Variants in PRSS12 observed in about 807,000 individuals in gnomAD.
The protein encoded by PRSS12 is serine protease 12, also known as neurotrypsin.
A neutral mutation model predicts 104.4 loss-of-function variants in PRSS12; 85 were observed. That is an observed-to-expected ratio of 0.81 (90% CI 0.68 to 0.98). The LOEUF (loss-of-function observed/expected upper bound fraction) is 0.98. PRSS12 is among the 50% of genes least tolerant of loss of function. The pLI is 0.00. For missense variants in PRSS12, 1,141 were observed against 1,139.2 expected (o/e 1.00, Z -0.02); for synonymous variants, 454 against 425.2 (o/e 1.07, Z -0.83).
At chr4:118,293,220 C>T (rs914193398) in intron 11 of PRSS12, among the ~76,000 whole-genome samples, 3 of 151,482 alleles carry the variant, frequency 2.0e-5, no homozygotes, top group Non-Finnish European at 2.9e-5. Context: ...AAAAATGCTG[C>T]GAAAACTATC....
At chr4:118,309,018 TAA>T (rs1743634720) in intron 7 of PRSS12, among the ~76,000 whole-genome samples, 1 of 151,706 alleles carries the variant, frequency 6.6e-6, no homozygotes, top group Admixed American at 6.6e-5. Context: ...TAGAACGATA[TAA>T]ATAGACACAA....
At chr4:118,339,704 C>G (rs1224450700) in intron 1 of PRSS12, among the ~76,000 whole-genome samples, 1 of 152,142 alleles carries the variant, frequency 6.6e-6, no homozygotes, top group East Asian at 1.9e-4. Context: ...AAGAGGAAGT[C>G]CTGCCTAGCT....
At position 118,352,959 on chromosome 4, in the gene PRSS12, C is replaced by G; in HGVS notation, c.-239G>C. On this transcript the variant is annotated 5_prime_UTR_variant, in exon 1 of 13. Coordinates refer to ENST00000296498, the MANE Select transcript of PRSS12 (RefSeq NM_003619.4). Reference sequence around the variant, plus strand: ...GGGGAAATCTGGAGCTCAGCCGAGCCCCGGCCGGCGGAGAGGACCGGAAAA... The same window carrying G: ...GGGGAAATCTGGAGCTCAGCCGAGCGCCGGCCGGCGGAGAGGACCGGAAAA... The G allele has an allele frequency of 9.0e-7, 1 of 1,108,460 alleles. No homozygotes were observed. The highest frequency in any genetic ancestry group is 1.9e-5 in the South Asian group (1 of 52,914). 68.7% of individuals were successfully genotyped at this position (1,108,460 alleles called of 1,614,324 possible). A position where few individuals can be genotyped will look rare whatever the true frequency, so the allele number is the denominator to read the frequency against.
intron 2 of PRSS12, among the ~76,000 whole-genome samples, chr4:118,337,900 TAAAGAC>T (rs977601073): frequency 1.2e-4 from 18 of 152,170 alleles, no homozygotes; most frequent in African/African-American, 3.9e-4. Context: ...TGTATTTTGT[TAAAGAC>T]AAAGACCAAA....
chr4:118,348,398 C>A (rs951556272), intron 1 of PRSS12, among the ~76,000 whole-genome samples: 1 of 152,182 alleles, frequency 6.6e-6, no homozygotes, highest in Non-Finnish European at 1.5e-5. Context: ...TCATCACCTA[C>A]CACTATACAT....
intron 11 of PRSS12, among the ~76,000 whole-genome samples, chr4:118,283,493 G>A (rs1161629941): frequency 1.3e-5 from 2 of 152,168 alleles, no homozygotes; most frequent in Non-Finnish European, 2.9e-5. Context: ...CTCTGTGAGG[G>A]CAGAAACTAA....
intron 1 of PRSS12, among the ~76,000 whole-genome samples, chr4:118,346,610 C>T (rs1268871649): frequency 6.6e-6 from 1 of 152,046 alleles, no homozygotes; most frequent in African/African-American, 2.4e-5. Flanking sequence ...GTTATCTTAT[C>T]ACAGGGGGCC....
chr4:118,298,541 C>A lies in PRSS12; in HGVS notation c.1837+192G>T, dbSNP rs576433095. On this transcript the variant is annotated intron_variant, in intron 9 of 12. Coordinates refer to ENST00000296498, the MANE Select transcript of PRSS12 (RefSeq NM_003619.4). Reference sequence around the variant, plus strand: ...AGGCCCCGTAAATTCATTCCTACCCCTGAACCTTGTTCTGCCTGTCAGCCC... The same window carrying A: ...AGGCCCCGTAAATTCATTCCTACCCATGAACCTTGTTCTGCCTGTCAGCCC... Among the ~76,000 whole-genome samples the A allele has an allele frequency of 3.9e-5, 6 of 152,318 alleles. No homozygotes were observed. In the South Asian group the frequency reaches 1.2e-3, roughly 32 times the overall value.
At chr4:118,342,681 C>G (rs1460710119) in intron 1 of PRSS12, among the ~76,000 whole-genome samples, 1 of 152,106 alleles carries the variant, frequency 6.6e-6, no homozygotes, top group African/African-American at 2.4e-5. Context: ...CCCCAGAGTT[C>G]CTGAAATGAA....
At chr4:118,344,111 T>C (rs1724289548) in intron 1 of PRSS12, among the ~76,000 whole-genome samples, 1 of 152,134 alleles carries the variant, frequency 6.6e-6, no homozygotes, top group African/African-American at 2.4e-5. Flanking sequence ...AAAAGTACAC[T>C]TAAAGCTGTG....
chr4:118,282,105 C>T lies in PRSS12; in HGVS notation c.2459G>A (p.Ser820Asn). 6.2e-7 allele frequency: 1 copy of T among 1,614,212 alleles called. No homozygotes were observed. The highest frequency in any genetic ancestry group is 8.5e-7 in the Non-Finnish European group (1 of 1,180,042). Residue 820 changes from serine (S) to asparagine (N), a missense_variant, in exon 13 of 13, where the codon AGC (serine) becomes AAC (asparagine). By Grantham distance (46) the Ser-to-Asn change is conservative. Transcript: ENST00000296498. ...GNLHEHKRVD[S>N]CQGDSGGPLM... Reference sequence around the variant, plus strand: ...TGGTCCTCCGCTGTCTCCCTGGCAGCTGTCCACGCGTTTGTGTTCATGGAG... The same window carrying T: ...TGGTCCTCCGCTGTCTCCCTGGCAGTTGTCCACGCGTTTGTGTTCATGGAG...
In PRSS12 at chr4:118,318,499, C is replaced by T; in HGVS notation, c.1029G>A (p.Met343Ile). 1.2e-6 allele frequency: 2 copies of T among 1,614,136 alleles called. No individual in the cohort carries two copies. The highest frequency in any genetic ancestry group is 1.7e-6 in the Non-Finnish European group (2 of 1,180,004). Residue 343 changes from methionine (M) to isoleucine (I), a missense_variant, in exon 5 of 13, where the codon ATG (methionine) becomes ATA (isoleucine). By Grantham distance (10) the Met-to-Ile change is conservative (BLOSUM62 1). Transcript: ENST00000296498. ...AYFGEGSGPV[M>I]LDEVRCTGNE... The stretch of plus-strand genomic sequence containing the variant: ...TCCCAGTGCAGCGTACTTCATCCAA[C>T]ATAACTGGGCCAGACCCTTCCCCAA...
chr4:118,282,733 T>C, intron 12 of PRSS12, 98 bp downstream of exon 12: 1 of 1,539,584 alleles, frequency 6.5e-7, no homozygotes, highest in African/African-American at 1.4e-5. Flanking sequence ...TCCAAATAAG[T>C]CTGAATCCAT....
At chr4:118,313,418 CTG>C in intron 6 of PRSS12, 21 bp from the exon 7 acceptor site, 1 of 1,611,470 alleles carries the variant, frequency 6.2e-7, no homozygotes, top group African/African-American at 1.3e-5. Context: ...TGAATAAACA[CTG>C]TGTATAGAAC....
At chr4:118,298,167 G>A (rs1349894700) in intron 9 of PRSS12, among the ~76,000 whole-genome samples, 1 of 150,052 alleles carries the variant, frequency 6.7e-6, no homozygotes, top group African/African-American at 2.4e-5. Flanking sequence ...AAAATTAAAT[G>A]TATGCAGAGC....
Position 118,308,501 on chromosome 4 carries a change from T to C in PRSS12, c.1566A>G (p.Gly522=). Residue 522 remains glycine (G), a synonymous_variant, in exon 8 of 13, where the codon GGA becomes GGG. Coordinates refer to ENST00000296498, the MANE Select transcript of PRSS12 (RefSeq NM_003619.4). ...CAGTCCATCCATCATCACAGATTGT[T>C]CCCCACTGGCCATTGATAAAAACCT... ...RVEVFINGQW[G]TICDDGWTDK... The C allele has an allele frequency of 6.2e-7, 1 of 1,614,090 alleles. No homozygotes were observed. Among genetic ancestry groups the C allele is most frequent in the South Asian group, 1.1e-5 (1 of 91,080 alleles).
At chr4:118,332,923 G>T (rs1002633788) in intron 3 of PRSS12, among the ~76,000 whole-genome samples, 2 of 152,116 alleles carry the variant, frequency 1.3e-5, no homozygotes, top group Non-Finnish European at 2.9e-5. Flanking sequence ...AGACAGACCC[G>T]GCCCTCAGGA....
At chr4:118,336,205 G>A (rs1372980553) in intron 2 of PRSS12, among the ~76,000 whole-genome samples, 2 of 152,094 alleles carry the variant, frequency 1.3e-5, no homozygotes, top group Non-Finnish European at 2.9e-5. Flanking sequence ...ACCTTACACT[G>A]TATATAGTAT....
intron 4 of PRSS12, among the ~76,000 whole-genome samples, chr4:118,319,857 G>T (rs1002695683): frequency 6.6e-6 from 1 of 151,854 alleles, no homozygotes; most frequent in African/African-American, 2.4e-5. Flanking sequence ...TTTATTTTTT[G>T]TAGAGATGGA....
Sources: allele counts gnomAD v4.1 joint callset (sites outside exome capture counted in the v4.1 genomes callset), GRCh38; gene constraint gnomAD v4.1.1; transcripts MANE v1.5; gene names NCBI Gene and HGNC (gene_info 2026-07-23, HGNC 2026-07-21).